The following JAM3 variants were observed in gnomAD, a reference collection of about 807,000 sequenced individuals.
The protein encoded by JAM3 is junctional adhesion molecule C.
Under a neutral mutation model 39.4 loss-of-function variants are expected in JAM3, and 31 were observed. That is an observed-to-expected ratio of 0.79 (90% CI 0.59 to 1.06). JAM3 has a LOEUF of 1.06. Ranked by LOEUF, JAM3 falls within the 50% of genes least tolerant of loss-of-function variation. JAM3 has a pLI of 0.00. For missense variants in JAM3, 455 were observed against 391.4 expected (o/e 1.16, Z -1.37); for synonymous variants, 182 against 148.7 (o/e 1.22, Z -1.63).
At chr11:134,109,812 A>G (rs1942276493) in intron 1 of JAM3, among the ~76,000 whole-genome samples, 2 of 152,368 alleles carry the variant, frequency 1.3e-5, no homozygotes, top group South Asian at 4.1e-4. Context: ...AATACTTTAC[A>G]TAAGATAAGG....
At chr11:134,097,520 T>G (rs148604368) in intron 1 of JAM3, among the ~76,000 whole-genome samples, 83 of 152,310 alleles carry the variant, frequency 5.4e-4, no homozygotes, top group Non-Finnish European at 2.8e-4. Flanking sequence ...CAGGGACATT[T>G]CTTCTCACAT....
At chr11:134,080,097 G>A (rs78490876) in intron 1 of JAM3, among the ~76,000 whole-genome samples, 1 of 152,010 alleles carries the variant, frequency 6.6e-6, no homozygotes, top group Non-Finnish European at 1.5e-5. Context: ...AATTGGTTGG[G>A]TTGTTATTTT....
rs1381806301 is a variant in JAM3 at position 134,118,969 on chromosome 11, C to T, written c.77-20882C>T. Reference sequence around the variant, plus strand: ...TTAATCAGATTTGTGCTCAAGAAATCTTTTTTTTTTTTTTTTGATACAGAG... The same window carrying T: ...TTAATCAGATTTGTGCTCAAGAAATTTTTTTTTTTTTTTTTTGATACAGAG... On this transcript the variant is annotated intron_variant, in intron 1 of 8. Coordinates refer to ENST00000299106, the MANE Select transcript of JAM3 (RefSeq NM_032801.5). Among the ~76,000 whole-genome samples, 14 of 140,428 alleles carry T rather than the reference C, an allele frequency of 1.0e-4. 1 individual carries two copies. In the South Asian group the frequency reaches 1.8e-3, roughly 19 times the overall value. The allele number at this position is 140,428 out of a possible 152,430, so 92.1% of individuals were successfully genotyped here.
intron 1 of JAM3, among the ~76,000 whole-genome samples, chr11:134,134,011 A>G (rs771351975): frequency 1.4e-5 from 2 of 146,210 alleles, no homozygotes; most frequent in African/African-American, 2.8e-5. Flanking sequence ...AGTAGATAAC[A>G]TAAGTAGATA....
At chr11:134,113,825 C>A (rs891569134) in intron 1 of JAM3, among the ~76,000 whole-genome samples, 11 of 152,166 alleles carry the variant, frequency 7.2e-5, no homozygotes, top group Admixed American at 2.0e-4. Flanking sequence ...TAAAAGTGTT[C>A]CTGTTTCTCC....
chr11:134,089,918 C>A lies in JAM3; in HGVS notation c.76+20759C>A, dbSNP rs1025140154. Among the ~76,000 whole-genome samples the A allele has an allele frequency of 4.6e-5, 7 of 152,320 alleles. No homozygotes were observed. In the East Asian group the frequency reaches 1.2e-3, roughly 25 times the overall value. On this transcript the variant is annotated intron_variant, in intron 1 of 8. Transcript: ENST00000299106. ...CACAATGATTGAACTAGTTTACAGT[C>A]CCACCAACAGTGTAAAAATGTTCCT...
chr11:134,127,419 C>T (rs762034795), intron 1 of JAM3, among the ~76,000 whole-genome samples: 9 of 152,152 alleles, frequency 5.9e-5, no homozygotes, highest in Non-Finnish European at 1.3e-4. Context: ...TGCCTTTTGG[C>T]CGGGCGTGGT....
rs376974612 is a variant in JAM3, at chr11:134,148,815, G to A, written c.894G>A (p.Glu298=). ...PDGVNYIRTD[E]EGDFRHKSSF... ...GAGTTAACTACATCCGCACTGACGA[G>A]GAGGTAATCATTTAGTAAACCTGGA... Residue 298 remains glutamate (E), a synonymous_variant, in exon 8 of 9, where the codon GAG becomes GAA. Transcript: ENST00000299106. The A allele has an allele frequency of 4.3e-6, 7 of 1,614,090 alleles. No homozygotes were observed. The African/African-American group carries it at 5.3e-5, about 12-fold the overall frequency.
chr11:134,111,509 T>C (rs1421894927), intron 1 of JAM3, among the ~76,000 whole-genome samples: 2 of 152,234 alleles, frequency 1.3e-5, no homozygotes, highest in South Asian at 2.1e-4. Context: ...AAAATCCTAG[T>C]GTTAAAGAGG....
chr11:134,069,297 G>A (rs1370378375), intron 1 of JAM3, 138 bp downstream of exon 1: 2 of 1,197,132 alleles, frequency 1.7e-6, no homozygotes, highest in Non-Finnish European at 2.3e-6. Context: ...GGGCCGGAGG[G>A]GCGGCGCGCG....
At chr11:134,145,268 A>G (rs1473562936) in intron 5 of JAM3, 4 of 526,124 alleles carry the variant, frequency 7.6e-6, no homozygotes, top group African/African-American at 3.8e-5. Flanking sequence ...CGGATAATCA[A>G]CTGTAAAAGT....
intron 1 of JAM3, among the ~76,000 whole-genome samples, chr11:134,072,906 G>A (rs547404413): frequency 2.0e-5 from 3 of 152,184 alleles, no homozygotes; most frequent in South Asian, 2.1e-4. Context: ...GTGAAACTCC[G>A]TCTTGGGGGA....
In JAM3 at chr11:134,151,103, GCACTCCA is replaced by G; in HGVS notation, c.*1924_*1930del. ...TAAAGCAAGGAGCTGCTGAGAAGGA[GCACTCCA>G]CTGTGTGCCTGGAGAATGGCTCTCA... On this transcript the variant is annotated 3_prime_UTR_variant, in exon 9 of 9. Coordinates refer to ENST00000299106, the MANE Select transcript of JAM3 (RefSeq NM_032801.5). 6.6e-6 allele frequency: 1 copy of G among 152,376 alleles called. No homozygotes were observed. The highest frequency in any genetic ancestry group is 1.9e-4 in the East Asian group (1 of 5,184). The allele number at this position is 152,376 out of a possible 1,614,324, so 9.4% of individuals were successfully genotyped here.
intron 1 of JAM3, among the ~76,000 whole-genome samples, chr11:134,132,601 C>T (rs1279375644): frequency 1.3e-5 from 2 of 152,138 alleles, no homozygotes; most frequent in South Asian, 2.1e-4. Flanking sequence ...CTGATTATAT[C>T]CCAGTAGGTT....
chr11:134,121,478 T>C (rs1050784821), intron 1 of JAM3, among the ~76,000 whole-genome samples: 2 of 148,982 alleles, frequency 1.3e-5, no homozygotes, highest in African/African-American at 4.9e-5. Context: ...GCTCCCTCCT[T>C]TTTTTTTTTG....
intron 1 of JAM3, among the ~76,000 whole-genome samples, chr11:134,098,810 C>A (rs541306573): frequency 4.9e-4 from 74 of 152,250 alleles, no homozygotes; most frequent in African/African-American, 1.6e-3. Flanking sequence ...AGTAAGCACT[C>A]CTTCAGCTAG....
chr11:134,142,237 C>T (rs529430499), intron 3 of JAM3, among the ~76,000 whole-genome samples: 6 of 152,186 alleles, frequency 3.9e-5, no homozygotes, highest in East Asian at 3.9e-4. Flanking sequence ...CACAGAATGC[C>T]GGGGTTCGGG....
rs935310570 is a variant in JAM3, at chr11:134,141,869, G to C, written c.256+1099G>C. On this transcript the variant is annotated intron_variant, in intron 3 of 8. Transcript: ENST00000299106. Reference sequence around the variant, plus strand: ...CATGCAGGCTCGTGCATGAGTCGGAGCCTGTGGAGTTCTCAGAGAAGTTGA... The same window carrying C: ...CATGCAGGCTCGTGCATGAGTCGGACCCTGTGGAGTTCTCAGAGAAGTTGA... 8.5e-5 allele frequency among the ~76,000 whole-genome samples: 13 copies of C among 152,172 alleles called. 1 individual carries two copies. The South Asian group carries it at 2.7e-3, about 32-fold the overall frequency.
chr11:134,129,219 C>T (rs549947548), intron 1 of JAM3, among the ~76,000 whole-genome samples: 44 of 151,940 alleles, frequency 2.9e-4, no homozygotes, highest in African/African-American at 1.1e-3. Context: ...CAGGTTCACG[C>T]CATTCTCCTG....
Sources: gnomAD v4.1 joint callset for allele counts (sites outside exome capture counted in the v4.1 genomes callset) on GRCh38, gnomAD v4.1.1 for gene constraint, MANE v1.5 for transcripts, NCBI Gene and HGNC (gene_info 2026-07-23, HGNC 2026-07-21) for gene names.